Variants in PTP4A1 observed in about 807,000 individuals in gnomAD.
PTP4A1 encodes protein tyrosine phosphatase type IVA 1.
In PTP4A1, 9 loss-of-function variants were observed where a neutral mutation model predicts 20.5. That is an observed-to-expected ratio of 0.44 (90% confidence interval 0.26 to 0.77). The LOEUF (loss-of-function observed/expected upper bound fraction) is 0.77. PTP4A1 is among the 30% of genes least tolerant of loss of function. The probability of loss-of-function intolerance (pLI) is 0.19; values close to 1 mark genes in which losing one functional copy is unlikely to be tolerated. For missense variants in PTP4A1, 137 were observed against 218.8 expected (o/e 0.63, Z 2.36); for synonymous variants, 78 against 67.4 (o/e 1.16, Z -0.77).
intron 1 of PTP4A1, among the ~76,000 whole-genome samples, chr6:63,574,726 T>G (rs1777739175): frequency 6.6e-6 from 1 of 152,158 alleles, no homozygotes; most frequent in South Asian, 2.1e-4. Context: ...CTGTGATGAG[T>G]CATTATAAAG....
chr6:63,549,093 C>A (rs779098964), intron 2 of PTP4A1: 1 of 708,000 alleles, frequency 1.4e-6, no homozygotes, highest in East Asian at 2.6e-5. Context: ...GGTGTTAACT[C>A]CTGCTCGAAG....
At chr6:63,523,106 C>T (rs902333538) in intron 1 of PTP4A1, among the ~76,000 whole-genome samples, 58 of 151,748 alleles carry the variant, frequency 3.8e-4, no homozygotes, top group African/African-American at 1.2e-3. Context: ...CCTCAAGTGA[C>T]CTGCCCACCT....
intron 3 of PTP4A1, 101 bp from the exon 4 acceptor site, chr6:63,578,797 A>G: frequency 8.1e-7 from 1 of 1,235,546 alleles, no homozygotes; most frequent in South Asian, 1.8e-5. Context: ...AAACATTAAA[A>G]TGAGAATGCT....
chr6:63,579,212 A>T, intron 4 of PTP4A1, 45 bp from the exon 5 acceptor site: 1 of 1,546,016 alleles, frequency 6.5e-7, no homozygotes, highest in Non-Finnish European at 8.8e-7. Context: ...ATTTACAAAG[A>T]TCTGATTTTG....
At chr6:63,516,643 C>T in the PTP4A1 span, among the ~76,000 whole-genome samples, 1 of 152,190 alleles carries the variant, frequency 6.6e-6, no homozygotes, top group African/African-American at 2.4e-5. Context: ...TCTTTCAAAG[C>T]AACAGAATCT....
At chr6:63,561,947 CTT>C (rs947696849) in intron 3 of PTP4A1, among the ~76,000 whole-genome samples, 16 of 152,044 alleles carry the variant, frequency 1.1e-4, no homozygotes, top group African/African-American at 2.4e-5. Context: ...GGTGCAACCT[CTT>C]TGAGCATTTA....
At chr6:63,566,329 T>G (rs141002412) in intron 3 of PTP4A1, among the ~76,000 whole-genome samples, 5 of 152,326 alleles carry the variant, frequency 3.3e-5, no homozygotes, top group African/African-American at 1.2e-4. Context: ...TTACCCACAT[T>G]AGTCTGTAGC....
At chr6:63,550,117 T>C (rs1237009018) in intron 2 of PTP4A1, among the ~76,000 whole-genome samples, 6 of 152,148 alleles carry the variant, frequency 3.9e-5, no homozygotes, top group Admixed American at 3.9e-4. Context: ...AACAGATAAA[T>C]TTTAAAAGAA....
chr6:63,523,021 C>T (rs796187778), intron 1 of PTP4A1, among the ~76,000 whole-genome samples: 44 of 152,056 alleles, frequency 2.9e-4, no homozygotes, highest in African/African-American at 1.0e-3. Context: ...TGTGCCACCA[C>T]GCTGATCTAA....
At chr6:63,555,331 G>C (rs1776633253) in intron 3 of PTP4A1, among the ~76,000 whole-genome samples, 2 of 152,126 alleles carry the variant, frequency 1.3e-5, no homozygotes, top group African/African-American at 2.4e-5. Context: ...CTGGAAATTA[G>C]AATATTTAAT....
Position 63,576,898 on chromosome 6 carries a change from C to T in PTP4A1, c.18C>T (p.Arg6=), listed in dbSNP as rs772692917. The T allele has an allele frequency of 1.2e-6, 2 of 1,613,520 alleles. No individual in the cohort carries two copies. The highest frequency in any genetic ancestry group is 1.7e-5 in the Admixed American group (1 of 60,004). Residue 6 remains arginine, a synonymous_variant, in exon 2 of 6, where the codon CGC becomes CGT. Transcript: ENST00000626021. ...AAATTAACATGGCTCGAATGAACCGCCCAGCTCCTGTGGAAGTCACATACA... is the reference window on the plus strand; with the variant it reads ...AAATTAACATGGCTCGAATGAACCGTCCAGCTCCTGTGGAAGTCACATACA... The part of the protein sequence containing the change: MARMN[R]PAPVEVTYKN...
At chr6:63,518,606 T>G (rs1774815308), upstream of PTP4A1, among the ~76,000 whole-genome samples, 1 of 152,198 alleles carries the variant, frequency 6.6e-6, no homozygotes, top group African/African-American at 2.4e-5. Flanking sequence ...TGATGTTAAA[T>G]AGGTTGTCCA....
chr6:63,532,297 TA>T (rs1775506160), intron 2 of PTP4A1, among the ~76,000 whole-genome samples: 2 of 152,352 alleles, frequency 1.3e-5, no homozygotes, highest in Middle Eastern at 3.4e-3. Context: ...CAAATTTTGG[TA>T]AATCTCTATT....
At chr6:63,559,809 C>T (rs567087463) in intron 3 of PTP4A1, among the ~76,000 whole-genome samples, 1 of 152,224 alleles carries the variant, frequency 6.6e-6, no homozygotes, top group East Asian at 1.9e-4. Context: ...AATACTAGCA[C>T]TTTGGGAGTC....
In PTP4A1 at chr6:63,537,867, C is replaced by T. The variant is rs922050991; in HGVS notation, c.-640+9783C>T. ...AAGAATCTGGCGAAAGGGCCACGGC[C>T]GTAGTGAGAGAGAAGTTGGGGAGAA... On this transcript the variant is annotated intron_variant, in intron 2 of 3. Transcript: ENST00000639568. 1.9e-4 allele frequency among the ~76,000 whole-genome samples: 29 copies of T among 152,072 alleles called. 1 individual carries two copies. The highest frequency in any genetic ancestry group is 1.2e-3 in the Admixed American group (18 of 15,268).
chr6:63,554,718 C>T (rs1028453844), intron 3 of PTP4A1, among the ~76,000 whole-genome samples: 15 of 152,122 alleles, frequency 9.9e-5, no homozygotes, highest in African/African-American at 3.6e-4. Context: ...ACCAGGGAGG[C>T]AGAGGTTGCA....
At position 63,529,857 on chromosome 6, in the gene PTP4A1, A is replaced by G. The variant is rs922582912; in HGVS notation, c.-640+1773A>G. ...GGCAGGAGCTATCAGAGAACTAAAA[A>G]TTATCAATTAGGTGTAAAAATATGT... On this transcript the variant is annotated intron_variant, in intron 2 of 3. Coordinates refer to the PTP4A1 transcript ENST00000639568. Among the ~76,000 whole-genome samples the G allele has an allele frequency of 3.3e-5, 5 of 152,312 alleles. No homozygotes were observed. The South Asian group carries it at 1.0e-3, about 32-fold the overall frequency.
chr6:63,538,575 C>T (rs927004369), intron 2 of PTP4A1, among the ~76,000 whole-genome samples: 1 of 151,940 alleles, frequency 6.6e-6, no homozygotes, highest in East Asian at 1.9e-4. Flanking sequence ...TTGGTCCAAG[C>T]ATATAAAATA....
exon 3 of PTP4A1, chr6:63,550,475 A>C (rs1776388132): frequency 6.6e-6 from 1 of 152,218 alleles, no homozygotes; most frequent in African/African-American, 2.4e-5. Context: ...CTGAAGAAAG[A>C]ACCCTGCTAC....
Sources: gnomAD v4.1 joint callset for allele counts (sites outside exome capture counted in the v4.1 genomes callset) on GRCh38, gnomAD v4.1.1 for gene constraint, MANE v1.5 for transcripts, NCBI Gene and HGNC (gene_info 2026-07-23, HGNC 2026-07-21) for gene names.